The following TFPT variants were observed in gnomAD, a reference collection of about 807,000 sequenced individuals.
TFPT encodes TCF3 fusion partner.
In TFPT, 27 loss-of-function variants were observed where a neutral mutation model predicts 28.8. The observed-to-expected ratio is 0.94, with a 90% confidence interval of 0.69 to 1.29. The LOEUF is 1.29. TFPT is among the 50% of genes most tolerant of loss of function. The pLI, the probability that TFPT is intolerant of heterozygous loss-of-function variation, is 0.00. For missense variants in TFPT, 330 were observed against 338.0 expected (o/e 0.98, Z 0.19); for synonymous variants, 152 against 142.8 (o/e 1.06, Z -0.46).
Position 54,115,425 on chromosome 19 carries a change from G to T in TFPT, c.-156C>A. On this transcript the variant is annotated 5_prime_UTR_variant, in exon 1 of 6. Coordinates refer to ENST00000391759, the MANE Select transcript of TFPT (RefSeq NM_013342.4). ...GTGGGAGTTGTAGTTTCCTGTTTCC[G>T]GCTTCGCTTCGGCCCACCCCCACGT... 9.5e-7 allele frequency: 1 copy of T among 1,056,734 alleles called. No individual in the cohort carries two copies. The highest frequency in any genetic ancestry group is 1.4e-6 in the Non-Finnish European group (1 of 720,674). 65.5% of individuals were successfully genotyped at this position (1,056,734 alleles called of 1,614,324 possible).
In TFPT at chr19:54,108,377, C is replaced by T. The variant is rs1413773982; in HGVS notation, c.372G>A (p.Leu124=). The T allele has an allele frequency of 6.2e-7, 1 of 1,613,280 alleles. No individual in the cohort carries two copies. The change falls in exon 4 of 6, where the codon CTG becomes CTA. Residue 124 remains leucine (L), a synonymous_variant. Coordinates refer to ENST00000391759, the MANE Select transcript of TFPT (RefSeq NM_013342.4). ...CCCGGTAGTCATCCCCGTAGGAGTC[C>T]AGCACTCTCATGAGGAACCTGCTCA... ...QQERRFLMRV[L]DSYGDDYRAS...
chr19:54,108,304 C>T lies in TFPT; in HGVS notation c.423+22G>A, dbSNP rs146742655. ...GGTCCTGAGCTCCCAGTTCCTGACC[C>T]TCCTGGAGGCCCAACACTCACCTCC... is the stretch of plus-strand genomic sequence containing the variant. On this transcript the variant is annotated intron_variant, in intron 4 of 5. Transcript: ENST00000391759. 4,732 of 1,587,906 alleles carry T rather than the reference C, an allele frequency of 3.0e-3. 23 individuals are homozygous for T. The highest frequency in any genetic ancestry group is 0.012 in the South Asian group (1,070 of 88,198).
chr19:54,115,520 A>G lies in TFPT; in HGVS notation c.-251T>C, dbSNP rs1317142408. Reference sequence around the variant, plus strand: ...CCGCAACCAGTCCTCTGAGTTGCCAACGTCTTTCTTCTTGTCTCGACGCCC... The same window carrying G: ...CCGCAACCAGTCCTCTGAGTTGCCAGCGTCTTTCTTCTTGTCTCGACGCCC... On this transcript the variant is annotated 5_prime_UTR_variant, in exon 1 of 6. Transcript: ENST00000391759. 8.4e-6 allele frequency: 5 copies of G among 593,324 alleles called. No individual in the cohort carries two copies. Among genetic ancestry groups the G allele is most frequent in the East Asian group, 5.6e-5 (2 of 35,918 alleles). 36.8% of individuals were successfully genotyped at this position (593,324 alleles called of 1,614,324 possible). A position where few individuals can be genotyped will look rare whatever the true frequency, so the allele number is the denominator to read the frequency against.
chr19:54,111,951 G>T (rs1419378146), intron 2 of TFPT, among the ~76,000 whole-genome samples: 1 of 152,116 alleles, frequency 6.6e-6, no homozygotes, highest in Non-Finnish European at 1.5e-5. Flanking sequence ...TTGCACTCCA[G>T]CCTGGACAAC....
chr19:54,115,266 C>T lies in TFPT; in HGVS notation c.4G>A (p.Glu2Lys), dbSNP rs2073591441. MELEQREGTMAA... is the reference protein window; with the variant it reads MKLEQREGTMAA... ...ACATACCCTTCTCTCTGCTCCAATTCCATCTCCGCGACCTCCGGAAGCCCC... is the reference window on the plus strand; with the variant it reads ...ACATACCCTTCTCTCTGCTCCAATTTCATCTCCGCGACCTCCGGAAGCCCC... Residue 2 changes from glutamate to lysine, a missense_variant, in exon 1 of 6, where the codon GAA (glutamate) becomes AAA (lysine). Physicochemically the swap from Glu to Lys is moderately conservative, Grantham distance 56. Coordinates refer to ENST00000391759, the MANE Select transcript of TFPT (RefSeq NM_013342.4). 6.2e-7 allele frequency: 1 copy of T among 1,614,110 alleles called. No homozygotes were observed. Among genetic ancestry groups the T allele is most frequent in the Admixed American group, 1.7e-5 (1 of 60,022 alleles).
chr19:54,110,768 C>T (rs1264128350), intron 2 of TFPT, among the ~76,000 whole-genome samples: 1 of 152,058 alleles, frequency 6.6e-6, no homozygotes, highest in Non-Finnish European at 1.5e-5. Flanking sequence ...CCATTCACTC[C>T]TGGCTTTATT....
At chr19:54,108,585 A>T in intron 3 of TFPT, 190 bp from the exon 4 acceptor site, 2 of 1,571,576 alleles carry the variant, frequency 1.3e-6, no homozygotes, top group Non-Finnish European at 1.7e-6. Flanking sequence ...GAGCAAGACA[A>T]GGCAACCATT....
At position 54,114,931 on chromosome 19, in the gene TFPT, C is replaced by G. The variant is rs78013785; in HGVS notation, c.24-231G>C. On this transcript the variant is annotated intron_variant, in intron 1 of 5. Transcript: ENST00000391759. ...GCACCCACAGGGTTCAAGCCCTGAC[C>G]CCCTCCTCCCAGGATGCAAGAGTCC... 1.7e-3 allele frequency: 1,155 copies of G among 688,182 alleles called. 10 individuals are homozygous for G. In the African/African-American group the frequency reaches 0.019, roughly 11 times the overall value. The allele number at this position is 688,182 out of a possible 1,614,324, so 42.6% of individuals were successfully genotyped here. A position where few individuals can be genotyped will look rare whatever the true frequency, so the allele number is the denominator to read the frequency against.
At chr19:54,108,661 C>T (rs1451893345) in intron 3 of TFPT, 2 of 1,408,098 alleles carry the variant, frequency 1.4e-6, no homozygotes, top group Non-Finnish European at 1.9e-6. Context: ...AGCGGTGACA[C>T]TGAAGTAGTG....
chr19:54,115,043 C>T (rs2073582475), intron 1 of TFPT: 2 of 792,590 alleles, frequency 2.5e-6, no homozygotes, highest in Non-Finnish European at 2.0e-6. Context: ...TTCCAACCTC[C>T]TAGTCTGTCA....
At chr19:54,111,779 G>C (rs2073463180) in intron 2 of TFPT, among the ~76,000 whole-genome samples, 1 of 151,548 alleles carries the variant, frequency 6.6e-6, no homozygotes, top group Admixed American at 6.6e-5. Context: ...GAGGTCAGGA[G>C]TTTGAGACCA....
At chr19:54,107,680 T>G in intron 5 of TFPT, 1 of 346,454 alleles carries the variant, frequency 2.9e-6, no homozygotes. Context: ...CACTCCGTCT[T>G]CTCTGATCCT....
chr19:54,107,084 G>T lies in TFPT; in HGVS notation c.728C>A (p.Pro243His). ...GGCTGGGCTGGCCAGGGTCGGGTAG[G>T]GCAGCAGTTTGTCTGGACCCCGAGA... ...WVSRGPDKLL[P>H]YPTLASPASD Residue 243 changes from proline to histidine, a missense_variant, in exon 6 of 6, where the codon CCC becomes CAC. Transcript: ENST00000391759. The T allele has an allele frequency of 6.2e-7, 1 of 1,613,892 alleles. No homozygotes were observed. Among genetic ancestry groups the T allele is most frequent in the East Asian group, 2.2e-5 (1 of 44,880 alleles).
Position 54,115,630 on chromosome 19 carries a change from C to G in TFPT, c.-361G>C, listed in dbSNP as rs192310635. On this transcript the variant is annotated 5_prime_UTR_variant, in exon 1 of 6. Coordinates refer to ENST00000391759, the MANE Select transcript of TFPT (RefSeq NM_013342.4). Reference sequence around the variant, plus strand: ...CCCTTTCCTCCTCGCGGCTTACCGCCTCTCTCCGCCTAGTGCCAGGTGCTA... The same window carrying G: ...CCCTTTCCTCCTCGCGGCTTACCGCGTCTCTCCGCCTAGTGCCAGGTGCTA... 21 of 417,976 alleles carry G rather than the reference C, an allele frequency of 5.0e-5. No individual in the cohort carries two copies. Among genetic ancestry groups the G allele is most frequent in the East Asian group, 3.9e-4 (10 of 25,700 alleles). The allele number at this position is 417,976 out of a possible 1,614,324, so 25.9% of individuals were successfully genotyped here. A position where few individuals can be genotyped will look rare whatever the true frequency, so the allele number is the denominator to read the frequency against.
intron 2 of TFPT, among the ~76,000 whole-genome samples, chr19:54,114,117 G>A (rs1227956763): frequency 2.6e-5 from 4 of 152,190 alleles, no homozygotes; most frequent in Non-Finnish European, 5.9e-5. Context: ...GAATGAATGA[G>A]TCGAGAGGAG....
chr19:54,108,071 T>TCCATCCCGTGG lies in TFPT; in HGVS notation c.586_596dup (p.Arg200HisfsTer11). On this transcript the variant is annotated frameshift_variant, in exon 5 of 6. Coordinates refer to ENST00000391759, the MANE Select transcript of TFPT (RefSeq NM_013342.4). LOFTEE classifies it high-confidence loss of function. ...GAGTCAGCGCATTTCCTGCTCGGCG[T>TCCATCCCGTGG]CCATCCCGTGGCACTCGCCGCCTCT... 1 of 1,547,444 alleles carries TCCATCCCGTGG rather than the reference T, an allele frequency of 6.5e-7. No homozygotes were observed. Among genetic ancestry groups the TCCATCCCGTGG allele is most frequent in the Non-Finnish European group, 8.7e-7 (1 of 1,147,750 alleles).
In TFPT at chr19:54,115,465, T is replaced by C; in HGVS notation, c.-196A>G. 1.5e-6 allele frequency: 1 copy of C among 663,848 alleles called. No homozygotes were observed. Among genetic ancestry groups the C allele is most frequent in the South Asian group, 1.8e-5 (1 of 54,074 alleles). 41.1% of individuals were successfully genotyped at this position (663,848 alleles called of 1,614,324 possible). Reference sequence around the variant, plus strand: ...CACCCCCACGTCCACCCCGAATCCCTGCTTAAAGGCCTTGCTTTCTTGTCT... The same window carrying C: ...CACCCCCACGTCCACCCCGAATCCCCGCTTAAAGGCCTTGCTTTCTTGTCT... On this transcript the variant is annotated 5_prime_UTR_variant, in exon 1 of 6. Coordinates refer to ENST00000391759, the MANE Select transcript of TFPT (RefSeq NM_013342.4).
chr19:54,108,033 G>A lies in TFPT; in HGVS notation c.635C>T (p.Pro212Leu), dbSNP rs201832670. The A allele has an allele frequency of 5.4e-5, 82 of 1,517,706 alleles. No homozygotes were observed. In the East Asian group the frequency reaches 8.2e-4, roughly 15 times the overall value. The allele number at this position is 1,517,706 out of a possible 1,614,324, so 94.0% of individuals were successfully genotyped here. The change falls in exon 5 of 6, where the codon CCG (proline) becomes CTG (leucine). Residue 212 changes from proline to leucine, a missense_variant. By Grantham distance (98) the Pro-to-Leu change is moderately conservative. Transcript: ENST00000391759. ...AGNALTPELA[P>L]VQIKVEEDFG... is the part of the protein sequence containing the mutation. Reference sequence around the variant, plus strand: ...AGTTCCCGCCTTCCTCACCTGCACCGGGGCCAGCTCTGGAGTCAGCGCATT... The same window carrying A: ...AGTTCCCGCCTTCCTCACCTGCACCAGGGCCAGCTCTGGAGTCAGCGCATT...
chr19:54,108,546 G>T (rs1241810808), intron 3 of TFPT, 151 bp from the exon 4 acceptor site: 4 of 1,610,068 alleles, frequency 2.5e-6, no homozygotes, highest in African/African-American at 2.7e-5. Flanking sequence ...AGGCCTGGGA[G>T]CCATGCCCTT....
Sources: allele counts gnomAD v4.1 joint callset (sites outside exome capture counted in the v4.1 genomes callset), GRCh38; gene constraint gnomAD v4.1.1; transcripts MANE v1.5; gene names NCBI Gene and HGNC (gene_info 2026-07-23, HGNC 2026-07-21).